The following ABAT variants were observed in gnomAD, a reference collection of about 807,000 sequenced individuals.
The protein encoded by ABAT is 4-aminobutyrate aminotransferase.
A neutral mutation model predicts 64.6 loss-of-function variants in ABAT; 45 were observed. That is an observed-to-expected ratio of 0.70 (90% CI 0.55 to 0.89). ABAT has a LOEUF of 0.89. Ranked by LOEUF, ABAT falls within the 40% of genes least tolerant of loss-of-function variation. ABAT has a pLI of 0.00. For synonymous variants in ABAT, 297 were observed against 250.5 expected (o/e 1.19, Z -1.75); for missense variants, 633 against 658.4 (o/e 0.96, Z 0.42).
chr16:8,681,084 C>G (rs2057322392), intron 1 of ABAT, among the ~76,000 whole-genome samples: 1 of 150,800 alleles, frequency 6.6e-6, no homozygotes, highest in South Asian at 2.1e-4. Flanking sequence ...CAAGCTCAAA[C>G]AATCCTTCTG....
chr16:8,767,643 T>C (rs1425276018), intron 9 of ABAT, among the ~76,000 whole-genome samples: 1 of 152,052 alleles, frequency 6.6e-6, no homozygotes, highest in Non-Finnish European at 1.5e-5. Context: ...AAGCCAGAAG[T>C]TCAGGTCTCT....
chr16:8,746,777 C>T lies in ABAT; in HGVS notation c.168+679C>T, dbSNP rs1195925592. 2.6e-5 allele frequency among the ~76,000 whole-genome samples: 4 copies of T among 151,948 alleles called. No homozygotes were observed. In the East Asian group the frequency reaches 7.7e-4, roughly 29 times the overall value. On this transcript the variant is annotated intron_variant, in intron 3 of 15. Coordinates refer to ENST00000268251, the MANE Select transcript of ABAT (RefSeq NM_020686.6). Reference sequence around the variant, plus strand: ...AGGAGATGTATCAGTTTTCTCCTACCACAGTAATGCTTCATAACAAACAGC... The same window carrying T: ...AGGAGATGTATCAGTTTTCTCCTACTACAGTAATGCTTCATAACAAACAGC...
intron 12 of ABAT, among the ~76,000 whole-genome samples, 188 bp downstream of exon 12, chr16:8,773,105 TACACACACACACACACACAC>T (rs35248639): frequency 8.3e-5 from 9 of 109,030 alleles, no homozygotes; most frequent in Admixed American, 2.1e-4. Flanking sequence ...CCTAAAACTA[TACACACACACACACACACAC>T]ACACACACAC....
At chr16:8,717,453 C>G (rs1320726345) in intron 1 of ABAT, among the ~76,000 whole-genome samples, 2 of 152,050 alleles carry the variant, frequency 1.3e-5, no homozygotes, top group African/African-American at 2.4e-5. Flanking sequence ...GCATTGAAAG[C>G]TTGTGTTATA....
chr16:8,679,789 C>G lies in ABAT; in HGVS notation c.-42+5078C>G, dbSNP rs16964282. Among the ~76,000 whole-genome samples, 1,071 of 152,180 alleles carry G rather than the reference C, an allele frequency of 7.0e-3. 17 individuals carry two copies. Among genetic ancestry groups the G allele is most frequent in the African/African-American group, 0.024 (994 of 41,516 alleles). ...GCTGAATCAGTTGTCCTCACTTCTT[C>G]ACTTTGCCCTCTGATCCACCATGAC... On this transcript the variant is annotated intron_variant, in intron 1 of 15. Coordinates refer to ENST00000268251, the MANE Select transcript of ABAT (RefSeq NM_020686.6).
In ABAT at chr16:8,762,445, C is replaced by A. The variant is rs28630033; in HGVS notation, c.367-1624C>A. On this transcript the variant is annotated intron_variant, in intron 6 of 15. Coordinates refer to ENST00000268251, the MANE Select transcript of ABAT (RefSeq NM_020686.6). ...GTCTCCAGTTTGGCAGATGAGAAAC[C>A]CAAAGCTCAGAGAGGTTAAGTGAGT... Among the ~76,000 whole-genome samples, 1,468 of 152,226 alleles carry A rather than the reference C, an allele frequency of 9.6e-3. 22 individuals carry two copies. The highest frequency in any genetic ancestry group is 0.034 in the African/African-American group (1,410 of 41,548).
intron 1 of ABAT, among the ~76,000 whole-genome samples, chr16:8,686,188 C>T (rs1223303602): frequency 6.6e-6 from 1 of 152,256 alleles, no homozygotes; most frequent in Non-Finnish European, 1.5e-5. Context: ...ACTCTGCTGG[C>T]TTCGCAGGCT....
chr16:8,725,919 C>G (rs1458987931), intron 1 of ABAT, among the ~76,000 whole-genome samples: 3 of 152,184 alleles, frequency 2.0e-5, no homozygotes, highest in Non-Finnish European at 4.4e-5. Context: ...TCCAACACAC[C>G]TGCCTCGAGA....
At chr16:8,706,072 T>C (rs1324226209) in intron 1 of ABAT, among the ~76,000 whole-genome samples, 1 of 152,120 alleles carries the variant, frequency 6.6e-6, no homozygotes, top group Non-Finnish European at 1.5e-5. Flanking sequence ...GTGTTGGGCA[T>C]GTGCAGTCCA....
intron 9 of ABAT, 60 bp downstream of exon 9, chr16:8,766,330 C>T (rs924096276): frequency 1.3e-6 from 2 of 1,538,876 alleles, no homozygotes; most frequent in African/African-American, 2.7e-5. Context: ...CTCTCCCGGG[C>T]TGTTGCTGGC....
chr16:8,737,404 G>A (rs760778188), intron 2 of ABAT: 3 of 152,014 alleles, frequency 2.0e-5, no homozygotes, highest in Non-Finnish European at 2.9e-5. Flanking sequence ...TTGAATCCAG[G>A]AGGTAGAGGT....
rs766850207 is a variant in ABAT, at chr16:8,784,459, TAAAA to T, written c.*3036_*3039del. 6.6e-6 allele frequency: 1 copy of T among 150,482 alleles called. No homozygotes were observed. The highest frequency in any genetic ancestry group is 1.5e-5 in the Non-Finnish European group (1 of 67,414). 9.3% of individuals were successfully genotyped at this position (150,482 alleles called of 1,614,324 possible). On this transcript the variant is annotated 3_prime_UTR_variant, in exon 16 of 16. Coordinates refer to ENST00000268251, the MANE Select transcript of ABAT (RefSeq NM_020686.6). Reference sequence around the variant, plus strand: ...ATCTGTTGACAGTGCCAATAAATGATAAAAAAAAAATTAACATGTCACAATGTAA... The same window carrying T: ...ATCTGTTGACAGTGCCAATAAATGATAAAAAATTAACATGTCACAATGTAA...
intron 14 of ABAT, among the ~76,000 whole-genome samples, chr16:8,777,299 CT>C (rs2060295638): frequency 6.6e-6 from 1 of 152,002 alleles, no homozygotes; most frequent in African/African-American, 2.4e-5. Context: ...TTATTCCCGC[CT>C]TTGTGCAACC....
chr16:8,681,790 C>T (rs1392450949), intron 1 of ABAT, among the ~76,000 whole-genome samples: 10 of 151,824 alleles, frequency 6.6e-5, no homozygotes, highest in Admixed American at 5.2e-4. Context: ...TACAGGCACC[C>T]GCCACCACAC....
chr16:8,776,418 C>G lies in ABAT; in HGVS notation c.1197C>G (p.Ile399Met). ...NLLLAEVINI[I>M]KREDLLNNAA... ...TGCTGGCTGAGGTCATCAACATCAT[C>G]AAGCGGGAGGACCTGCTAAATAATG... Residue 399 changes from isoleucine to methionine, a missense_variant, in exon 14 of 16, where the codon ATC becomes ATG. Transcript: ENST00000268251. This position sits in a 1 kb window ranked among gnomAD's most constrained non-coding sequence, Gnocchi z 4.4. 3 of 1,614,248 alleles carry G rather than the reference C, an allele frequency of 1.9e-6. No homozygotes were observed. The highest frequency in any genetic ancestry group is 2.5e-6 in the Non-Finnish European group (3 of 1,180,048).
At chr16:8,758,168 A>T (rs917868368) in intron 6 of ABAT, among the ~76,000 whole-genome samples, 1 of 152,218 alleles carries the variant, frequency 6.6e-6, no homozygotes, top group Non-Finnish European at 1.5e-5. Flanking sequence ...CAATATTGAC[A>T]AGTCTGTGAA....
chr16:8,766,106 G>C, intron 8 of ABAT, 102 bp from the exon 9 acceptor site: 2 of 1,096,990 alleles, frequency 1.8e-6, no homozygotes, highest in South Asian at 1.3e-5. Context: ...TCCTGAGAAA[G>C]CACTTTCTAC....
At position 8,764,854 on chromosome 16, in the gene ABAT, C is replaced by G; in HGVS notation, c.540+24C>G. On this transcript the variant is annotated intron_variant, in intron 8 of 15. Coordinates refer to ENST00000268251, the MANE Select transcript of ABAT (RefSeq NM_020686.6). The surrounding 1 kb of genome is among the most constrained non-coding windows in gnomAD (Gnocchi z 4.2). Reference sequence around the variant, plus strand: ...GGGTGAGGTTTGGGGCACACACACACACACACACACAGGCTCCCCAGCACC... The same window carrying G: ...GGGTGAGGTTTGGGGCACACACACAGACACACACACAGGCTCCCCAGCACC... 1 of 1,586,516 alleles carries G rather than the reference C, an allele frequency of 6.3e-7. No individual in the cohort carries two copies. The highest frequency in any genetic ancestry group is 8.7e-7 in the Non-Finnish European group (1 of 1,155,242).
chr16:8,701,302 T>G (rs1480344042), intron 1 of ABAT, among the ~76,000 whole-genome samples: 1 of 152,234 alleles, frequency 6.6e-6, no homozygotes, highest in African/African-American at 2.4e-5. Context: ...CAGGAGCATA[T>G]AGTAGTGAGC....
Sources: allele counts gnomAD v4.1 joint callset (sites outside exome capture counted in the v4.1 genomes callset), GRCh38; gene constraint gnomAD v4.1.1; non-coding constraint Gnocchi (gnomAD v3.1); transcripts MANE v1.5; gene names NCBI Gene and HGNC (gene_info 2026-07-23, HGNC 2026-07-21).